Variants in ARRDC1 observed in about 807,000 individuals in gnomAD.
The protein encoded by ARRDC1 is arrestin domain-containing protein 1.
A neutral mutation model predicts 40.1 loss-of-function variants in ARRDC1; 37 were observed. The ratio of observed to expected loss-of-function variants is 0.92; its 90% CI spans 0.71 to 1.21. The LOEUF (loss-of-function observed/expected upper bound fraction) is 1.21. Ranked by LOEUF, ARRDC1 falls within the 50% of genes most tolerant of loss-of-function variation. The pLI is 0.00. For missense variants in ARRDC1, 641 were observed against 581.9 expected (o/e 1.10, Z -1.04); for synonymous variants, 310 against 262.5 (o/e 1.18, Z -1.75).
In ARRDC1 at chr9:137,613,981, G is replaced by A. The variant is rs1368767243; in HGVS notation, c.436-51G>A. On this transcript the variant is annotated intron_variant, in intron 4 of 7. Coordinates refer to ENST00000371421, the MANE Select transcript of ARRDC1 (RefSeq NM_152285.4). ...TGAGGGGCCTGTCCCAATGCCACAG[G>A]GATCCAGCCTGCGCACACCTGCTAA... is the stretch of plus-strand genomic sequence containing the variant. 3 of 1,598,698 alleles carry A rather than the reference G, an allele frequency of 1.9e-6. No homozygotes were observed. In the African/African-American group the frequency reaches 4.0e-5, roughly 21 times the overall value.
In ARRDC1 at chr9:137,612,939, G is replaced by C. The variant is rs763800488; in HGVS notation, c.162G>C (p.Lys54Asn). 1 of 1,614,074 alleles carries C rather than the reference G, an allele frequency of 6.2e-7. No individual in the cohort carries two copies. The highest frequency in any genetic ancestry group is 8.5e-7 in the Non-Finnish European group (1 of 1,180,022). ...TAGGTTCCTGCGGGGTCTCCAACAA[G>C]GCTAATGACACAGCGTGGGTAGTGG... ...TCIGSCGVSN[K>N]ANDTAWVVEE... Residue 54 changes from lysine to asparagine, a missense_variant, in exon 2 of 8, where the codon AAG (lysine) becomes AAC (asparagine). Coordinates refer to ENST00000371421, the MANE Select transcript of ARRDC1 (RefSeq NM_152285.4).
At position 137,615,175 on chromosome 9, in the gene ARRDC1, C is replaced by T; in HGVS notation, c.*37C>T. The T allele has an allele frequency of 2.0e-6, 3 of 1,497,086 alleles. No homozygotes were observed. The highest frequency in any genetic ancestry group is 2.7e-6 in the Non-Finnish European group (3 of 1,124,862). The allele number at this position is 1,497,086 out of a possible 1,614,324, so 92.7% of individuals were successfully genotyped here. A position where few individuals can be genotyped will look rare whatever the true frequency, so the allele number is the denominator to read the frequency against. Reference sequence around the variant, plus strand: ...CTTCTCCAGGCAGGCCTGGCCTCTGCCCTGGGACTGGGGCGCCCAGGGCCT... The same window carrying T: ...CTTCTCCAGGCAGGCCTGGCCTCTGTCCTGGGACTGGGGCGCCCAGGGCCT... On this transcript the variant is annotated 3_prime_UTR_variant, in exon 8 of 8. Transcript: ENST00000371421.
Position 137,614,679 on chromosome 9 carries a change from CT to C in ARRDC1, c.917del (p.Leu306ArgfsTer44), listed in dbSNP as rs1564504300. On this transcript the variant is annotated frameshift_variant, in exon 7 of 8. Transcript: ENST00000371421. LOFTEE classifies it high-confidence loss of function. ...GLGLPPGAPP[L>X]VVPSAPPQEE... ...GGGGCTGCCTCCTGGGGCCCCACCC[CT>C]GGTGGTGCCTTCCGCACCACCCCAG... 1.2e-6 allele frequency: 2 copies of C among 1,612,270 alleles called. No individual in the cohort carries two copies. The highest frequency in any genetic ancestry group is 8.5e-7 in the Non-Finnish European group (1 of 1,179,754).
chr9:137,609,831 G>A (rs1214548486), intron 1 of ARRDC1, among the ~76,000 whole-genome samples: 2 of 150,850 alleles, frequency 1.3e-5, no homozygotes, highest in Admixed American at 6.6e-5. Flanking sequence ...CAGCTGTGTC[G>A]AGACATTTAA....
intron 6 of ARRDC1, 24 bp from the exon 7 acceptor site, chr9:137,614,535 A>G (rs567345454): frequency 1.9e-6 from 3 of 1,612,970 alleles, no homozygotes; most frequent in Admixed American, 1.7e-5. Flanking sequence ...CTGGCCCCTC[A>G]TGCCCCACCT....
chr9:137,615,288 G>A lies in ARRDC1; in HGVS notation c.*150G>A. ...CTGGCATCCGCCCTCTTCTCCCTGG[G>A]GCTGGGGTGGGGGTGGCAGGGAGCT... On this transcript the variant is annotated 3_prime_UTR_variant, in exon 8 of 8. Transcript: ENST00000371421. 1 of 743,626 alleles carries A rather than the reference G, an allele frequency of 1.3e-6. No individual in the cohort carries two copies. The allele number at this position is 743,626 out of a possible 1,614,324, so 46.1% of individuals were successfully genotyped here.
intron 1 of ARRDC1, among the ~76,000 whole-genome samples, chr9:137,606,646 G>A (rs1221364371): frequency 6.6e-6 from 1 of 152,240 alleles, no homozygotes; most frequent in East Asian, 1.9e-4. Context: ...ACCCTGCACC[G>A]CCTGAGGCTG....
At chr9:137,608,182 C>T (rs1480713517) in intron 1 of ARRDC1, among the ~76,000 whole-genome samples, 3 of 152,108 alleles carry the variant, frequency 2.0e-5, no homozygotes, top group South Asian at 4.1e-4. Context: ...GGGGTTTCAC[C>T]GTGTTAGCCA....
chr9:137,608,581 G>A (rs1295654835), intron 1 of ARRDC1, among the ~76,000 whole-genome samples: 1 of 152,254 alleles, frequency 6.6e-6, no homozygotes, highest in Non-Finnish European at 1.5e-5. Context: ...GTATTGCTCT[G>A]GCTTCTCCGT....
At position 137,605,729 on chromosome 9, in the gene ARRDC1, G is replaced by T. The variant is rs1335808156; in HGVS notation, c.12G>T (p.Val4=). The change falls in exon 1 of 8, where the codon GTG becomes GTT. Residue 4 remains valine (V), a synonymous_variant. Coordinates refer to ENST00000371421, the MANE Select transcript of ARRDC1 (RefSeq NM_152285.4). Reference sequence around the variant, plus strand: ...GGTGAGGCCGCGGCATGGGGCGAGTGCAGCTCTTCGAGATCAGCCTGAGCC... The same window carrying T: ...GGTGAGGCCGCGGCATGGGGCGAGTTCAGCTCTTCGAGATCAGCCTGAGCC... MGR[V]QLFEISLSHG... The T allele has an allele frequency of 2.2e-6, 3 of 1,385,224 alleles. No homozygotes were observed. The highest frequency in any genetic ancestry group is 2.6e-4 in the Middle Eastern group (1 of 3,844). The allele number at this position is 1,385,224 out of a possible 1,614,324, so 85.8% of individuals were successfully genotyped here. A position where few individuals can be genotyped will look rare whatever the true frequency, so the allele number is the denominator to read the frequency against.
At chr9:137,613,116 C>T (rs1213339623) in intron 2 of ARRDC1, 110 bp downstream of exon 2, 2 of 912,448 alleles carry the variant, frequency 2.2e-6, no homozygotes. Flanking sequence ...GGATCTGGCA[C>T]TGGCCCATCT....
At chr9:137,613,913 CCT>C in intron 4 of ARRDC1, 117 bp from the exon 5 acceptor site, 7 of 1,536,648 alleles carry the variant, frequency 4.6e-6, no homozygotes, top group Non-Finnish European at 5.3e-6. Flanking sequence ...GCCTCTTTGC[CCT>C]GAGCTGACTG....
intron 1 of ARRDC1, 71 bp downstream of exon 1, chr9:137,605,906 C>G (rs1564497893): frequency 1.0e-6 from 1 of 972,328 alleles, no homozygotes; most frequent in Non-Finnish European, 1.3e-6. Context: ...AAGCGGCTGC[C>G]GTCGCCTGGC....
intron 1 of ARRDC1, chr9:137,611,864 A>C (rs779802687): frequency 3.9e-5 from 6 of 152,338 alleles, no homozygotes; most frequent in African/African-American, 1.4e-4. Flanking sequence ...TGCTGGGGAG[A>C]CCACAGGTGA....
chr9:137,605,868 C>G (rs1018732812), intron 1 of ARRDC1, 33 bp downstream of exon 1: 1 of 1,178,970 alleles, frequency 8.5e-7, no homozygotes, highest in African/African-American at 1.6e-5. Context: ...GGCCTTTGGC[C>G]GCACCTGCGC....
intron 1 of ARRDC1, among the ~76,000 whole-genome samples, chr9:137,606,228 C>T (rs533498143): frequency 1.3e-5 from 2 of 152,168 alleles, no homozygotes; most frequent in South Asian, 4.1e-4. Context: ...GCGGTCCCGG[C>T]GGGGTGCAGA....
chr9:137,605,996 G>A (rs919129304), intron 1 of ARRDC1, among the ~76,000 whole-genome samples, 161 bp downstream of exon 1: 3 of 151,618 alleles, frequency 2.0e-5, no homozygotes, highest in Non-Finnish European at 2.9e-5. Context: ...GGGGAGGTCC[G>A]GGCGGCGCCG....
chr9:137,610,570 A>ATT (rs71387852), intron 1 of ARRDC1, among the ~76,000 whole-genome samples: 6 of 135,112 alleles, frequency 4.4e-5, no homozygotes, highest in Middle Eastern at 4.4e-3. Context: ...TAATTTTTGT[A>ATT]TTTTTTTTTT....
At chr9:137,609,317 C>T (rs1323472763) in intron 1 of ARRDC1, among the ~76,000 whole-genome samples, 2 of 151,660 alleles carry the variant, frequency 1.3e-5, no homozygotes, top group Non-Finnish European at 1.5e-5. Flanking sequence ...TCACCGCAAC[C>T]TCTGCCTCCC....
Sources: gnomAD v4.1 joint callset for allele counts (sites outside exome capture counted in the v4.1 genomes callset) on GRCh38, gnomAD v4.1.1 for gene constraint, MANE v1.5 for transcripts, NCBI Gene and HGNC (gene_info 2026-07-23, HGNC 2026-07-21) for gene names.